The following RBM19 variants were observed in gnomAD, a reference collection of about 807,000 sequenced individuals.
The protein encoded by RBM19 is RNA binding motif protein 19, also known as probable RNA-binding protein 19.
A neutral mutation model predicts 116.8 loss-of-function variants in RBM19; 94 were observed. That is an observed-to-expected ratio of 0.80 (90% confidence interval 0.68 to 0.95). The LOEUF is 0.95. RBM19 is among the 40% of genes least tolerant of loss of function. The pLI is 0.00. For synonymous variants in RBM19, 475 were observed against 494.1 expected (o/e 0.96, Z 0.51); for missense variants, 1,161 against 1,220.7 (o/e 0.95, Z 0.73).
Position 113,940,096 on chromosome 12 carries a change from G to T in RBM19, c.1802C>A (p.Ala601Asp). Residue 601 changes from alanine to aspartate, a missense_variant, in exon 15 of 24, where the codon GCC becomes GAC. By Grantham distance (126) the Ala-to-Asp change is moderately radical (BLOSUM62 -2). Transcript: ENST00000261741. ...VKNLPAGTLA[A>D]QLQETFGHFG... is the part of the protein sequence containing the mutation. ...ATGGCCGAAGGTCTCCTGCAGCTGG[G>T]CCGCCAGGGTGCCTGCCGGGAGGTT... 1.9e-6 allele frequency: 3 copies of T among 1,614,096 alleles called. No homozygotes were observed. The highest frequency in any genetic ancestry group is 2.5e-6 in the Non-Finnish European group (3 of 1,179,986).
rs557004855 is a variant in RBM19, at chr12:113,838,488, G to T, written c.2785+6180C>A. 5.9e-5 allele frequency among the ~76,000 whole-genome samples: 9 copies of T among 152,298 alleles called. No individual in the cohort carries two copies. The South Asian group carries it at 1.9e-3, about 32-fold the overall frequency. The stretch of plus-strand genomic sequence containing the variant: ...GGGGAGAGCATGCATACTCCACAGG[G>T]TGAGCACACAAACACCACAGGGAGA... On this transcript the variant is annotated intron_variant, in intron 23 of 23. Transcript: ENST00000261741.
chr12:113,930,362 G>A (rs558438378), intron 16 of RBM19, among the ~76,000 whole-genome samples: 2 of 152,224 alleles, frequency 1.3e-5, no homozygotes, highest in Admixed American at 1.3e-4. Flanking sequence ...CCTGGTCTAT[G>A]AGCAGTGGCT....
intron 21 of RBM19, among the ~76,000 whole-genome samples, chr12:113,900,787 C>T (rs576818282): frequency 6.6e-6 from 1 of 152,330 alleles, no homozygotes; most frequent in South Asian, 2.1e-4. Context: ...GTAACTTTTA[C>T]AGCCTCTGAT....
intron 21 of RBM19, among the ~76,000 whole-genome samples, chr12:113,902,177 G>A (rs994877593): frequency 3.9e-5 from 6 of 152,154 alleles, no homozygotes; most frequent in African/African-American, 1.4e-4. Flanking sequence ...GAAATCTTAT[G>A]AGTAGTTATG....
rs1040233854 is a variant in RBM19, at chr12:113,955,294, T to C, written c.841-83A>G. On this transcript the variant is annotated intron_variant, in intron 6 of 23. Transcript: ENST00000261741. ...GAGGTGGCACACTGGGACATTTCAGTGCCAGAGAAGGTGCCTGCCGCCAGG... is the reference window on the plus strand; with the variant it reads ...GAGGTGGCACACTGGGACATTTCAGCGCCAGAGAAGGTGCCTGCCGCCAGG... 14 of 1,372,788 alleles carry C rather than the reference T, an allele frequency of 1.0e-5. No individual in the cohort carries two copies. In the African/African-American group the frequency reaches 1.7e-4, roughly 17 times the overall value. The allele number at this position is 1,372,788 out of a possible 1,614,324, so 85.0% of individuals were successfully genotyped here.
intron 12 of RBM19, 23 bp from the exon 13 acceptor site, chr12:113,945,947 G>T: frequency 6.5e-7 from 1 of 1,527,466 alleles, no homozygotes; most frequent in Non-Finnish European, 9.1e-7. Context: ...GGCAGAACAG[G>T]GAGATCAGAC....
At chr12:113,848,836 C>A (rs1156357544) in intron 22 of RBM19, among the ~76,000 whole-genome samples, 4 of 152,212 alleles carry the variant, frequency 2.6e-5, no homozygotes, top group African/African-American at 7.2e-5. Flanking sequence ...GGAGTTACTG[C>A]ACCTTTGTTC....
chr12:113,853,206 GAA>G (rs1256222845), intron 22 of RBM19, among the ~76,000 whole-genome samples: 1 of 152,208 alleles, frequency 6.6e-6, no homozygotes, highest in Non-Finnish European at 1.5e-5. Context: ...TGGCAGAGTG[GAA>G]AAGTGAGAAA....
rs1311277660 is a variant in RBM19, at chr12:113,877,157, G to C, written c.2559-18261C>G. The stretch of plus-strand genomic sequence containing the variant: ...GACAGGGAAGCTTCTCTAGGGTGTG[G>C]AGGTGATTTTACTTGAAACAAGGTT... On this transcript the variant is annotated intron_variant, in intron 21 of 23. Coordinates refer to ENST00000261741, the MANE Select transcript of RBM19 (RefSeq NM_016196.4). 2.0e-5 allele frequency among the ~76,000 whole-genome samples: 3 copies of C among 152,344 alleles called. No individual in the cohort carries two copies. The East Asian group carries it at 5.8e-4, about 29-fold the overall frequency.
In RBM19 at chr12:113,940,083, C is replaced by T. The variant is rs779817872; in HGVS notation, c.1815G>A (p.Glu605=). ...PAGTLAAQLQ[E]TFGHFGSLGR... Reference sequence around the variant, plus strand: ...CCAGGCTGCCAAAATGGCCGAAGGTCTCCTGCAGCTGGGCCGCCAGGGTGC... The same window carrying T: ...CCAGGCTGCCAAAATGGCCGAAGGTTTCCTGCAGCTGGGCCGCCAGGGTGC... The change falls in exon 15 of 24, where the codon GAG becomes GAA. Residue 605 remains glutamate, a synonymous_variant. Transcript: ENST00000261741. The T allele has an allele frequency of 1.7e-5, 28 of 1,613,944 alleles. No homozygotes were observed. The highest frequency in any genetic ancestry group is 2.4e-5 in the Non-Finnish European group (28 of 1,179,944).
intron 15 of RBM19, among the ~76,000 whole-genome samples, chr12:113,938,161 CAG>C (rs910207719): frequency 6.6e-6 from 1 of 152,108 alleles, no homozygotes; most frequent in Non-Finnish European, 1.5e-5. Flanking sequence ...GTGGCTCACA[CAG>C]AGAGAGCTTT....
chr12:113,920,623 G>A lies in RBM19; in HGVS notation c.2373C>T (p.Leu791=), dbSNP rs74581712. 9 of 1,614,042 alleles carry A rather than the reference G, an allele frequency of 5.6e-6. No individual in the cohort carries two copies. The East Asian group carries it at 1.6e-4, about 28-fold the overall frequency. Residue 791 remains leucine (L), a synonymous_variant, in exon 19 of 24, where the codon CTC becomes CTT. Transcript: ENST00000261741. ...YRKPEQAQKA[L]KQLQGHVVDG... ...ATCTTCACTTTACCTGGAGCTGCTT[G>A]AGAGCTTTCTGGGCTTGCTCCGGCT...
intron 21 of RBM19, among the ~76,000 whole-genome samples, chr12:113,872,260 T>A (rs1879274297): frequency 7.1e-6 from 1 of 140,066 alleles, no homozygotes; most frequent in East Asian, 2.7e-4. Flanking sequence ...GGCCGCCCCG[T>A]CTGAGAAGTG....
chr12:113,940,087 T>G lies in RBM19; in HGVS notation c.1811A>C (p.Gln604Pro), dbSNP rs990557322. The G allele has an allele frequency of 6.2e-7, 1 of 1,614,092 alleles. No individual in the cohort carries two copies. Residue 604 changes from glutamine (Q) to proline (P), a missense_variant, in exon 15 of 24, where the codon CAG becomes CCG. By Grantham distance (76) the Gln-to-Pro change is moderately conservative. Transcript: ENST00000261741. ...LPAGTLAAQL[Q>P]ETFGHFGSLG... ...GCTGCCAAAATGGCCGAAGGTCTCC[T>G]GCAGCTGGGCCGCCAGGGTGCCTGC...
At chr12:113,944,058 G>C (rs1870802337) in intron 13 of RBM19, among the ~76,000 whole-genome samples, 2 of 147,632 alleles carry the variant, frequency 1.4e-5, no homozygotes, top group South Asian at 2.2e-4. Flanking sequence ...AGGTTTGCCT[G>C]GGAAGAACTC....
intron 18 of RBM19, among the ~76,000 whole-genome samples, chr12:113,923,758 C>T (rs1868800274): frequency 6.6e-6 from 1 of 152,224 alleles, no homozygotes; most frequent in Admixed American, 6.5e-5. Flanking sequence ...GTGCTGGACG[C>T]CTGTCCCTGC....
chr12:113,950,013 C>A, intron 9 of RBM19, 70 bp downstream of exon 9: 1 of 1,335,448 alleles, frequency 7.5e-7, no homozygotes, highest in Non-Finnish European at 1.1e-6. Flanking sequence ...GGTACAAGAA[C>A]GTGTAAAGGA....
intron 21 of RBM19, among the ~76,000 whole-genome samples, chr12:113,873,568 G>A (rs1401535190): frequency 8.3e-6 from 1 of 119,782 alleles, no homozygotes; most frequent in Non-Finnish European, 1.7e-5. Context: ...CCTCTGCCTA[G>A]GAAAACCAGA....
intron 21 of RBM19, among the ~76,000 whole-genome samples, chr12:113,877,893 T>C (rs1383132831): frequency 6.6e-6 from 1 of 152,114 alleles, no homozygotes; most frequent in Non-Finnish European, 1.5e-5. Context: ...TTTTAAATGA[T>C]ACAGAGGAAA....
Sources: allele counts gnomAD v4.1 joint callset (sites outside exome capture counted in the v4.1 genomes callset), GRCh38; gene constraint gnomAD v4.1.1; transcripts MANE v1.5; gene names NCBI Gene and HGNC (gene_info 2026-07-23, HGNC 2026-07-21).